ENO4: variants seen among roughly 807,000 people sequenced by gnomAD.
ENO4 encodes enolase 4.
In ENO4, 53 loss-of-function variants were observed where a neutral mutation model predicts 63.2. The observed-to-expected ratio is 0.84, with a 90% confidence interval of 0.67 to 1.05. The LOEUF is 1.05. ENO4 is among the 50% of genes least tolerant of loss of function. The probability of loss-of-function intolerance (pLI) is 0.00; values close to 1 mark genes in which losing one functional copy is unlikely to be tolerated. For missense variants in ENO4, 719 were observed against 772.0 expected, an observed-to-expected ratio of 0.93 and a Z score of 0.81; for synonymous variants, 266 against 283.8, an observed-to-expected ratio of 0.94 and a Z score of 0.63.
At chr10:116,867,117 T>G (rs569733321) in intron 7 of ENO4, among the ~76,000 whole-genome samples, 2 of 152,276 alleles carry the variant, frequency 1.3e-5, no homozygotes, top group South Asian at 4.1e-4. Flanking sequence ...GAACCAGGGT[T>G]ACTGCAATCA....
downstream of ENO4, chr10:116,886,532 T>C: frequency 6.2e-7 from 1 of 1,614,188 alleles, no homozygotes; most frequent in East Asian, 2.2e-5. Flanking sequence ...TCACCGTCAA[T>C]GTATTTTTTC....
intron 11 of ENO4, among the ~76,000 whole-genome samples, chr10:116,878,824 A>G (rs1232244740): frequency 1.4e-5 from 2 of 145,346 alleles, no homozygotes; most frequent in African/African-American, 2.5e-5. Context: ...GCTCACTGCA[A>G]GCTCTGCCTC....
chr10:116,894,580 C>T (rs1000348917), intron 10 of ENO4, among the ~76,000 whole-genome samples: 2 of 152,126 alleles, frequency 1.3e-5, no homozygotes, highest in Admixed American at 6.6e-5. Flanking sequence ...ATGACCAAGA[C>T]GACACAGCTA....
chr10:116,853,581 C>T lies in ENO4; in HGVS notation c.166-2042C>T, dbSNP rs1846156508. Among the ~76,000 whole-genome samples, 3 of 152,172 alleles carry T rather than the reference C, an allele frequency of 2.0e-5. No homozygotes were observed. The South Asian group carries it at 6.2e-4, about 32-fold the overall frequency. ...ATTCTTTCACAGCCCATATTAAGCA[C>T]TTCAAAAATGTTAGTTCCTTTCCTC... On this transcript the variant is annotated intron_variant, in intron 1 of 13. Transcript: ENST00000341276.
intron 10 of ENO4, among the ~76,000 whole-genome samples, chr10:116,899,506 G>GGTGTGTGGGT (rs1554906588): frequency 1.6e-5 from 2 of 124,500 alleles, no homozygotes; most frequent in Admixed American, 1.7e-4. Flanking sequence ...GGCTGGGGCT[G>GGTGTGTGGGT]GTGTGTGTGT....
Position 116,879,855 on chromosome 10 carries a change from T to C in ENO4, c.1606-14T>C, listed in dbSNP as rs1023406937. On this transcript the variant is annotated splice_polypyrimidine_tract_variant and intron_variant, in intron 12 of 13. Transcript: ENST00000341276. ...GGCTCCTCCGTCTAAAATTAGTTTT[T>C]TCCCCCCTTTCAGGCTGTTGGGCTT... 4.5e-6 allele frequency: 7 copies of C among 1,545,240 alleles called. No homozygotes were observed. The East Asian group carries it at 9.8e-5, about 22-fold the overall frequency.
At chr10:116,902,242 G>A (rs1847772496) in intron 10 of ENO4, among the ~76,000 whole-genome samples, 1 of 152,078 alleles carries the variant, frequency 6.6e-6, no homozygotes, top group African/African-American at 2.4e-5. Context: ...CGTAATACTG[G>A]AATTGTGGAA....
At chr10:116,886,384 C>G (rs199958951), downstream of ENO4, 3 of 1,564,850 alleles carry the variant, frequency 1.9e-6, no homozygotes, top group East Asian at 4.7e-5. Flanking sequence ...GTTTTCAATG[C>G]TGTCTTCTTT....
downstream of ENO4, among the ~76,000 whole-genome samples, chr10:116,887,413 C>T (rs531823259): frequency 7.9e-5 from 12 of 152,242 alleles, no homozygotes; most frequent in South Asian, 1.2e-3. Flanking sequence ...CTGGGGCTTT[C>T]GGACTTTTCT....
At chr10:116,905,837 T>C (rs3824844) in intron 10 of ENO4, among the ~76,000 whole-genome samples, 2,214 of 152,248 alleles carry the variant, frequency 0.015, 143 homozygotes, top group Admixed American at 0.12. Flanking sequence ...CTCATAAAGG[T>C]TTCCGTTAAT....
In ENO4 at chr10:116,874,177, C is replaced by T; in HGVS notation, c.1317C>T (p.Ala439=). The T allele has an allele frequency of 6.5e-7, 1 of 1,544,980 alleles. No homozygotes were observed. The highest frequency in any genetic ancestry group is 1.2e-5 in the South Asian group (1 of 83,494). Residue 439 remains alanine, a synonymous_variant, in exon 10 of 14, where the codon GCC becomes GCT. Coordinates refer to ENST00000341276, the MANE Select transcript of ENO4 (RefSeq NM_001242699.2). ...DLINKYPSII[A]LIDPFRKEDS... is the part of the protein sequence containing the mutation. ...TCAACAAGTACCCTTCAATTATTGC[C>T]TTAATTGATCCTTTCAGGAAGGAGG...
At chr10:116,895,862 G>A (rs979305011) in intron 10 of ENO4, among the ~76,000 whole-genome samples, 1 of 152,040 alleles carries the variant, frequency 6.6e-6, no homozygotes, top group Non-Finnish European at 1.5e-5. Flanking sequence ...CTGTAAAATT[G>A]GGATAATGTC....
In ENO4 at chr10:116,881,655, G is replaced by A. The variant is rs1212777343; in HGVS notation, c.1864G>A (p.Ala622Thr). 6.5e-7 allele frequency: 1 copy of A among 1,546,162 alleles called. No individual in the cohort carries two copies. Among genetic ancestry groups the A allele is most frequent in the East Asian group, 2.4e-5 (1 of 40,824 alleles). The change falls in exon 14 of 14, where the codon GCA becomes ACA. Residue 622 changes from alanine to threonine, a missense_variant. Physicochemically the swap from Ala to Thr is moderately conservative, Grantham distance 58. Coordinates refer to ENST00000341276, the MANE Select transcript of ENO4 (RefSeq NM_001242699.2). ...TGTAGAGGAATCAGCCGAAACAGGAGCATCCTCTGGATAGGGCTGTACACA... is the reference window on the plus strand; with the variant it reads ...TGTAGAGGAATCAGCCGAAACAGGAACATCCTCTGGATAGGGCTGTACACA... Reference protein sequence around the residue: ...QGVEESAETGASSG With the variant: ...QGVEESAETGTSSG
chr10:116,861,155 A>C lies in ENO4; in HGVS notation c.901A>C (p.Ile301Leu). ...GAAGCTAAATTTAATGAAAGAAGTG[A>C]TTTGTATACCCCATCCTGAATTAAC... is the stretch of plus-strand genomic sequence containing the variant. ...SGKLNLMKEV[I>L]CIPHPELTTK... Residue 301 changes from isoleucine to leucine, a missense_variant, in exon 6 of 14, where the codon ATT (isoleucine) becomes CTT (leucine). By Grantham distance (5) the Ile-to-Leu change is conservative (BLOSUM62 2). Coordinates refer to ENST00000341276, the MANE Select transcript of ENO4 (RefSeq NM_001242699.2). The C allele has an allele frequency of 6.5e-7, 1 of 1,543,780 alleles. No homozygotes were observed. The highest frequency in any genetic ancestry group is 8.8e-7 in the Non-Finnish European group (1 of 1,142,658).
In ENO4 at chr10:116,859,272, A is replaced by C. The variant is rs192371755; in HGVS notation, c.634+134A>C. The C allele has an allele frequency of 2.9e-4, 283 of 989,196 alleles. No individual in the cohort carries two copies. The Middle Eastern group carries it at 4.2e-3, about 15-fold the overall frequency. The allele number at this position is 989,196 out of a possible 1,614,324, so 61.3% of individuals were successfully genotyped here. A position where few individuals can be genotyped will look rare whatever the true frequency, so the allele number is the denominator to read the frequency against. The stretch of plus-strand genomic sequence containing the variant: ...CTCACGGCTAAAAGCCATCCATCCT[A>C]TGCCACATCCTCACTCAAAGATTTT... On this transcript the variant is annotated intron_variant, in intron 4 of 13. Coordinates refer to ENST00000341276, the MANE Select transcript of ENO4 (RefSeq NM_001242699.2).
At chr10:116,864,675 G>T (rs988923920) in intron 7 of ENO4, among the ~76,000 whole-genome samples, 20 of 152,036 alleles carry the variant, frequency 1.3e-4, no homozygotes, top group African/African-American at 4.8e-4. Flanking sequence ...TTCTCTAAAG[G>T]TAACTGCCGT....
chr10:116,883,606 G>C (rs1056045053), downstream of ENO4: 4 of 152,480 alleles, frequency 2.6e-5, no homozygotes, highest in African/African-American at 9.6e-5. Flanking sequence ...ATCATTTACT[G>C]AACACACAAC....
chr10:116,902,495 A>G (rs1847784279), intron 10 of ENO4, among the ~76,000 whole-genome samples: 2 of 152,238 alleles, frequency 1.3e-5, no homozygotes, highest in Non-Finnish European at 2.9e-5. Flanking sequence ...ACACAAAATC[A>G]TAAAAATTAA....
chr10:116,891,175 C>T (rs574486085), intron 10 of ENO4, among the ~76,000 whole-genome samples: 1 of 152,354 alleles, frequency 6.6e-6, no homozygotes, highest in South Asian at 2.1e-4. Context: ...TTGAACATTA[C>T]AGTGAATGAA....
Sources: allele counts gnomAD v4.1 joint callset (sites outside exome capture counted in the v4.1 genomes callset), GRCh38; gene constraint gnomAD v4.1.1; transcripts MANE v1.5; gene names NCBI Gene and HGNC (gene_info 2026-07-23, HGNC 2026-07-21).